The following SNX27 variants were observed in gnomAD, a reference collection of about 807,000 sequenced individuals.
The protein encoded by SNX27 is sorting nexin-27.
In SNX27, 22 loss-of-function variants were observed where a neutral mutation model predicts 71.6. The ratio of observed to expected loss-of-function variants is 0.31; its 90% CI spans 0.22 to 0.44. The LOEUF is 0.44. SNX27 is among the 20% of genes least tolerant of loss of function. The pLI is 1.00. For synonymous variants in SNX27, 269 were observed against 277.2 expected (o/e 0.97, Z 0.29); for missense variants, 531 against 698.6 (o/e 0.76, Z 2.70).
intron 7 of SNX27, among the ~76,000 whole-genome samples, chr1:151,670,923 A>G (rs754117665): frequency 3.3e-4 from 50 of 152,226 alleles, no homozygotes; most frequent in Admixed American, 3.3e-3. Flanking sequence ...TAGAGGATTT[A>G]GGTTTAATTA....
At chr1:151,692,886 T>G in intron 9 of SNX27, 25 bp from the exon 10 acceptor site, 2 of 1,614,056 alleles carry the variant, frequency 1.2e-6, no homozygotes, top group Non-Finnish European at 1.7e-6. Context: ...AGACTGTACC[T>G]TACTCCCTTG....
Position 151,692,971 on chromosome 1 carries a change from A to T in SNX27, c.1450A>T (p.Met484Leu). The change falls in exon 10 of 12, where the codon ATG (methionine) becomes TTG (leucine). Residue 484 changes from methionine (M) to leucine (L), a missense_variant. This residue lies in a region of SNX27 where 157 missense variants were observed against 178.4 expected (regional missense o/e 0.88). Transcript: ENST00000458013. ...MQRWDTDEEG[M>L]AFCFEYARGE... The stretch of plus-strand genomic sequence containing the variant: ...GCGATGGGACACAGATGAAGAAGGG[A>T]TGGCCTTCTGTTTCGAATATGCACG... The T allele has an allele frequency of 1.9e-6, 3 of 1,614,040 alleles. No homozygotes were observed. The highest frequency in any genetic ancestry group is 2.2e-5 in the South Asian group (2 of 91,078).
At chr1:151,643,216 G>T (rs1037454977) in intron 2 of SNX27, among the ~76,000 whole-genome samples, 4 of 151,656 alleles carry the variant, frequency 2.6e-5, no homozygotes, top group African/African-American at 9.7e-5. Flanking sequence ...CGCCCGCCTC[G>T]GCCTCCCAAA....
chr1:151,693,449 A>T lies in SNX27; in HGVS notation c.1544A>T (p.Glu515Val), dbSNP rs764842032. 1 of 1,614,126 alleles carries T rather than the reference A, an allele frequency of 6.2e-7. No individual in the cohort carries two copies. The highest frequency in any genetic ancestry group is 8.5e-7 in the Non-Finnish European group (1 of 1,180,020). ...PYFNYMHECF[E>V]RVFCELKWRK... ...TTCAATTACATGCATGAGTGCTTCG[A>T]GAGGGTGTTCTGCGAGCTCAAGTGG... Residue 515 changes from glutamate to valine, a missense_variant, in exon 11 of 12, where the codon GAG becomes GTG. Glu to Val is a moderately radical substitution (Grantham distance 121). Transcript: ENST00000458013.
intron 7 of SNX27, among the ~76,000 whole-genome samples, chr1:151,681,180 T>TA (rs1414174990): frequency 6.6e-6 from 1 of 151,448 alleles, no homozygotes; most frequent in African/African-American, 2.4e-5. Context: ...TTACATGACT[T>TA]ATGCAAGTAC....
chr1:151,637,547 G>A (rs994372514), intron 1 of SNX27, among the ~76,000 whole-genome samples: 4 of 152,206 alleles, frequency 2.6e-5, no homozygotes, highest in East Asian at 3.9e-4. Flanking sequence ...CAGTGAAAGG[G>A]GCTCTTTATT....
At chr1:151,683,535 T>C (rs562200907) in intron 8 of SNX27, 90 bp downstream of exon 8, 8 of 903,820 alleles carry the variant, frequency 8.9e-6, no homozygotes. Flanking sequence ...GATTACAACC[T>C]GGTTAGTGGC....
intron 1 of SNX27, among the ~76,000 whole-genome samples, chr1:151,624,436 T>TATGTA (rs1337558489): frequency 5.3e-5 from 7 of 131,204 alleles, no homozygotes; most frequent in African/African-American, 1.7e-4. Context: ...TATATATGTA[T>TATGTA]TTTTTTTTTT....
intron 2 of SNX27, among the ~76,000 whole-genome samples, chr1:151,646,834 T>C (rs1669059640): frequency 1.3e-5 from 2 of 151,844 alleles, no homozygotes; most frequent in South Asian, 4.2e-4. Context: ...ATACCTTCTG[T>C]GTGTGTGCGT....
chr1:151,685,360 T>G (rs145234808), intron 8 of SNX27: 330 of 152,270 alleles, frequency 2.2e-3, no homozygotes, highest in African/African-American at 7.5e-3. Context: ...GAATATTGAT[T>G]CATGTACATT....
At position 151,698,694 on chromosome 1, in the gene SNX27, A is replaced by ATGTGGGAAGGTCAGGGC. The variant is rs1553267915; in HGVS notation, c.*4283_*4299dup. The ATGTGGGAAGGTCAGGGC allele has an allele frequency of 6.6e-6, 1 of 152,476 alleles. No homozygotes were observed. Among genetic ancestry groups the ATGTGGGAAGGTCAGGGC allele is most frequent in the Non-Finnish European group, 1.5e-5 (1 of 68,054 alleles). 9.4% of individuals were successfully genotyped at this position (152,476 alleles called of 1,614,324 possible). A position where few individuals can be genotyped will look rare whatever the true frequency, so the allele number is the denominator to read the frequency against. On this transcript the variant is annotated 3_prime_UTR_variant, in exon 12 of 12. Transcript: ENST00000458013. ...TCACTCCTCAGCAATAATCTAGGGT[A>ATGTGGGAAGGTCAGGGC]TGTGGGAAGGTCAGGGCTGTGGTAA...
rs145797787 is a variant in SNX27 at position 151,657,498 on chromosome 1, T to C, written c.544-737T>C. ...GCTTACATCATTTTTAGGCCTTTTC[T>C]TTGGAATCAACTTTAGAGCCAGTTT... is the stretch of plus-strand genomic sequence containing the variant. On this transcript the variant is annotated intron_variant, in intron 2 of 11. Transcript: ENST00000458013. Among the ~76,000 whole-genome samples, 295 of 152,300 alleles carry C rather than the reference T, an allele frequency of 1.9e-3. 2 individuals are homozygous for C. The highest frequency in any genetic ancestry group is 6.6e-3 in the African/African-American group (276 of 41,568).
At position 151,682,783 on chromosome 1, in the gene SNX27, C is replaced by T. The variant is rs376165643; in HGVS notation, c.1150-573C>T. ...GGTGCGGTGTCTCATGCCTGTAATC[C>T]CAGCACTTTGGGAGGTCGAGGCGGG... On this transcript the variant is annotated intron_variant, in intron 7 of 11. Coordinates refer to ENST00000458013, the MANE Select transcript of SNX27 (RefSeq NM_001330723.2). Among the ~76,000 whole-genome samples, 97 of 152,198 alleles carry T rather than the reference C, an allele frequency of 6.4e-4. 1 individual carries two copies. The East Asian group carries it at 0.012, about 19-fold the overall frequency.
intron 1 of SNX27, among the ~76,000 whole-genome samples, chr1:151,625,784 CAA>C (rs773796738): frequency 5.5e-4 from 46 of 83,166 alleles, no homozygotes; most frequent in Non-Finnish European, 3.5e-4. Flanking sequence ...ACTCTGTGTC[CAA>C]AAAAAAAAAA....
intron 2 of SNX27, among the ~76,000 whole-genome samples, chr1:151,647,754 AG>A (rs1669114074): frequency 7.6e-6 from 1 of 130,818 alleles, no homozygotes; most frequent in Admixed American, 8.3e-5. Flanking sequence ...CCATGCTGGA[AG>A]GGGTTTGATC....
In SNX27 at chr1:151,697,605, G is replaced by C. The variant is rs535233635; in HGVS notation, c.*3188G>C. On this transcript the variant is annotated 3_prime_UTR_variant, in exon 12 of 12. Transcript: ENST00000458013. ...TCTCTTCCACCCATGCACGGCCTTGGGTGATGGAGGCGGGTTCCCTGTGGC... is the reference window on the plus strand; with the variant it reads ...TCTCTTCCACCCATGCACGGCCTTGCGTGATGGAGGCGGGTTCCCTGTGGC... The C allele has an allele frequency of 1.3e-5, 2 of 152,882 alleles. No individual in the cohort carries two copies. Among genetic ancestry groups the C allele is most frequent in the East Asian group, 1.9e-4 (1 of 5,188 alleles). 9.5% of individuals were successfully genotyped at this position (152,882 alleles called of 1,614,324 possible).
At chr1:151,681,264 T>C (rs12144525) in intron 7 of SNX27, among the ~76,000 whole-genome samples, 5 of 138,108 alleles carry the variant, frequency 3.6e-5, no homozygotes, top group Admixed American at 7.8e-5. Context: ...TTTTTTGCGA[T>C]GGAGTCTTGC....
intron 3 of SNX27, chr1:151,660,123 C>T (rs1262865876): frequency 2.0e-5 from 3 of 152,084 alleles, no homozygotes; most frequent in Non-Finnish European, 4.4e-5. Context: ...GAAGTAAAGT[C>T]ACCAGTTTAA....
chr1:151,696,886 G>C lies in SNX27; in HGVS notation c.*2469G>C, dbSNP rs968167487. ...GTTGGTTTTGAACTCCTGACCTCAA[G>C]TAATCTGCCCACCTCGGCCTCCCAA... On this transcript the variant is annotated 3_prime_UTR_variant, in exon 12 of 12. Transcript: ENST00000458013. 1.3e-5 allele frequency: 2 copies of C among 152,088 alleles called. No individual in the cohort carries two copies. Among genetic ancestry groups the C allele is most frequent in the Non-Finnish European group, 2.9e-5 (2 of 68,042 alleles). 9.4% of individuals were successfully genotyped at this position (152,088 alleles called of 1,614,324 possible).
Sources: allele counts gnomAD v4.1 joint callset (sites outside exome capture counted in the v4.1 genomes callset), GRCh38; gene constraint gnomAD v4.1.1; regional missense constraint gnomAD v4.1.1; transcripts MANE v1.5; gene names NCBI Gene and HGNC (gene_info 2026-07-23, HGNC 2026-07-21).